Variants in UNC13C observed in about 807,000 individuals in gnomAD.
UNC13C encodes the protein unc-13 homolog C, also known as protein unc-13 homolog C.
Under a neutral mutation model 245.4 loss-of-function variants are expected in UNC13C, and 174 were observed. That is an observed-to-expected ratio of 0.71 (90% confidence interval 0.63 to 0.80). The LOEUF (loss-of-function observed/expected upper bound fraction) is 0.80. UNC13C is among the 30% of genes least tolerant of loss of function. The probability of loss-of-function intolerance (pLI) is 0.00; values close to 1 mark genes in which losing one functional copy is unlikely to be tolerated. For missense variants in UNC13C, 2,829 were observed against 2,602.9 expected, an observed-to-expected ratio of 1.09 and a Z score of -1.89; for synonymous variants, 992 against 895.1, an observed-to-expected ratio of 1.11 and a Z score of -1.93.
chr15:53,923,443 A>C, the UNC13C span, among the ~76,000 whole-genome samples: 4 of 152,244 alleles, frequency 2.6e-5, no homozygotes, highest in Non-Finnish European at 5.9e-5. Flanking sequence ...ATAGAAGGAT[A>C]CATTTATGGT....
At chr15:54,543,666 C>A (rs1158384028) in intron 26 of UNC13C, among the ~76,000 whole-genome samples, 1 of 152,082 alleles carries the variant, frequency 6.6e-6, no homozygotes, top group East Asian at 1.9e-4. Context: ...ACTATAAACA[C>A]CTGTATGCAA....
At chr15:54,435,575 C>T (rs1034291431) in intron 19 of UNC13C, among the ~76,000 whole-genome samples, 20 of 140,292 alleles carry the variant, frequency 1.4e-4, no homozygotes, top group Middle Eastern at 3.5e-3. Context: ...CAGGTCCTCT[C>T]GGTGGGTGGG....
At chr15:54,546,105 G>A (rs139971020) in intron 26 of UNC13C, among the ~76,000 whole-genome samples, 125 of 152,268 alleles carry the variant, frequency 8.2e-4, no homozygotes, top group African/African-American at 3.0e-3. Flanking sequence ...TAAAGAAAAT[G>A]TGGCACATAT....
At chr15:54,565,813 G>C (rs1897486708) in intron 29 of UNC13C, among the ~76,000 whole-genome samples, 1 of 151,858 alleles carries the variant, frequency 6.6e-6, no homozygotes, top group Non-Finnish European at 1.5e-5. Context: ...GTAGCCCAAG[G>C]ACAATGAAAA....
intron 10 of UNC13C, among the ~76,000 whole-genome samples, chr15:54,290,327 G>C (rs117118730): frequency 0.024 from 3,706 of 152,028 alleles, 86 homozygotes; most frequent in South Asian, 0.053. Context: ...AGGGTTCAGG[G>C]CCTAGAGAAA....
chr15:54,514,818 C>T (rs1021876026), intron 24 of UNC13C, among the ~76,000 whole-genome samples: 5 of 152,126 alleles, frequency 3.3e-5, no homozygotes, highest in Admixed American at 2.0e-4. Flanking sequence ...TGCTTAACAC[C>T]ATGATGATCG....
intron 17 of UNC13C, among the ~76,000 whole-genome samples, 195 bp downstream of exon 17, chr15:54,338,684 A>G (rs1178869094): frequency 2.0e-5 from 3 of 152,160 alleles, no homozygotes; most frequent in African/African-American, 7.2e-5. Flanking sequence ...CCTTAAAATA[A>G]CTTTATCTAG....
chr15:54,117,023 G>A (rs941357452), intron 2 of UNC13C, among the ~76,000 whole-genome samples: 11 of 152,178 alleles, frequency 7.2e-5, no homozygotes, highest in African/African-American at 2.6e-4. Flanking sequence ...CCTGATGATT[G>A]GAGATGTTGA....
intron 19 of UNC13C, among the ~76,000 whole-genome samples, chr15:54,419,845 TTGTCG>T (rs2040600840): frequency 1.3e-5 from 2 of 152,130 alleles, no homozygotes; most frequent in South Asian, 2.1e-4. Context: ...AGAGTCTGTG[TTGTCG>T]TGAATACAGC....
chr15:54,403,521 A>T (rs887731577), intron 18 of UNC13C, among the ~76,000 whole-genome samples: 1 of 151,974 alleles, frequency 6.6e-6, no homozygotes, highest in East Asian at 1.9e-4. Context: ...CAGGAGTTTG[A>T]GATCAGTACA....
chr15:54,273,689 G>A (rs2036752828), intron 10 of UNC13C, among the ~76,000 whole-genome samples: 1 of 152,168 alleles, frequency 6.6e-6, no homozygotes. Flanking sequence ...GTGGGTTGAA[G>A]CAATTTCCCC....
chr15:54,188,614 T>C (rs959086656), intron 4 of UNC13C, among the ~76,000 whole-genome samples: 2 of 152,196 alleles, frequency 1.3e-5, no homozygotes, highest in Non-Finnish European at 2.9e-5. Flanking sequence ...CTTCAGAGCC[T>C]AAGTTCTTAA....
At chr15:53,939,366 C>T in the UNC13C span, among the ~76,000 whole-genome samples, 6 of 151,704 alleles carry the variant, frequency 4.0e-5, no homozygotes, top group African/African-American at 4.8e-5. Flanking sequence ...AACCAAAAAA[C>T]CCCGGGACCC....
the UNC13C span, among the ~76,000 whole-genome samples, chr15:53,853,845 G>GT: frequency 1.3e-5 from 2 of 151,912 alleles, no homozygotes; most frequent in Non-Finnish European, 2.9e-5. Flanking sequence ...GGGGTTGTTT[G>GT]TTTTTTTCTT....
At chr15:54,331,694 C>G (rs960015072) in intron 14 of UNC13C, among the ~76,000 whole-genome samples, 1 of 152,058 alleles carries the variant, frequency 6.6e-6, no homozygotes, top group African/African-American at 2.4e-5. Flanking sequence ...CTCTTGCTGA[C>G]GCATTATATT....
intron 2 of UNC13C, among the ~76,000 whole-genome samples, chr15:54,020,219 A>G (rs146909139): frequency 6.6e-6 from 1 of 152,026 alleles, no homozygotes; most frequent in East Asian, 1.9e-4. Context: ...CCCCCTTTTT[A>G]AACTTGAAAG....
the UNC13C span, among the ~76,000 whole-genome samples, chr15:53,893,826 T>G: frequency 2.0e-5 from 3 of 152,160 alleles, no homozygotes; most frequent in Non-Finnish European, 4.4e-5. Context: ...ACCACTTGGG[T>G]CCCTGGCTTC....
chr15:54,044,698 C>T (rs937925197), intron 2 of UNC13C, among the ~76,000 whole-genome samples: 1 of 151,952 alleles, frequency 6.6e-6, no homozygotes, highest in South Asian at 2.1e-4. Flanking sequence ...TTTTATTGTG[C>T]ATATTTGAGG....
chr15:54,082,583 G>C (rs1174196713), intron 2 of UNC13C, among the ~76,000 whole-genome samples: 1 of 151,864 alleles, frequency 6.6e-6, no homozygotes, highest in African/African-American at 2.4e-5. Flanking sequence ...TTAGACTTTT[G>C]ACTCTGGTTG....
Sources: gnomAD v4.1 joint callset for allele counts (sites outside exome capture counted in the v4.1 genomes callset) on GRCh38, gnomAD v4.1.1 for gene constraint, MANE v1.5 for transcripts, NCBI Gene and HGNC (gene_info 2026-07-23, HGNC 2026-07-21) for gene names.